The following TTC28 variants were observed in gnomAD, a reference collection of about 807,000 sequenced individuals.
TTC28 encodes tetratricopeptide repeat protein 28.
Under a neutral mutation model 198.0 loss-of-function variants are expected in TTC28, and 61 were observed. The observed-to-expected ratio is 0.31, with a 90% CI of 0.25 to 0.38. The LOEUF (loss-of-function observed/expected upper bound fraction) is 0.38. Ranked by LOEUF, TTC28 falls within the 10% of genes least tolerant of loss-of-function variation. TTC28 has a pLI of 1.00. For synonymous variants in TTC28, 1,171 were observed against 1,297.8 expected (o/e 0.90, Z 2.10); for missense variants, 2,678 against 3,164.0 (o/e 0.85, Z 3.69).
chr22:28,613,364 A>T (rs1026305137), intron 2 of TTC28, among the ~76,000 whole-genome samples: 5 of 152,216 alleles, frequency 3.3e-5, no homozygotes, highest in Non-Finnish European at 5.9e-5. Flanking sequence ...AAATTCTACT[A>T]CAGTTACAAA....
chr22:28,505,557 C>T (rs1048023046), intron 2 of TTC28, among the ~76,000 whole-genome samples: 1 of 152,172 alleles, frequency 6.6e-6, no homozygotes, highest in Non-Finnish European at 1.5e-5. Context: ...TCCCATGAAT[C>T]TTTGCAACCC....
rs747204992 is a variant in TTC28 at position 28,001,363 on chromosome 22, G to A, written c.4398+11C>T. 2.7e-5 allele frequency: 42 copies of A among 1,539,514 alleles called. No individual in the cohort carries two copies. The highest frequency in any genetic ancestry group is 1.8e-4 in the Middle Eastern group (1 of 5,652). ...AAGCCCCCGGCCCCCCACCATGTGT[G>A]TGAGCCTTACCTTGGACTGCACGCT... On this transcript the variant is annotated intron_variant, in intron 15 of 22. Coordinates refer to ENST00000397906, the MANE Select transcript of TTC28 (RefSeq NM_001145418.2).
chr22:28,157,741 A>G (rs533585001), intron 6 of TTC28, among the ~76,000 whole-genome samples: 2 of 152,304 alleles, frequency 1.3e-5, no homozygotes, highest in East Asian at 3.9e-4. Flanking sequence ...GCTCAAAAAA[A>G]CGGGATATAG....
chr22:28,318,449 A>C (rs1231196034), intron 2 of TTC28, among the ~76,000 whole-genome samples: 1 of 152,190 alleles, frequency 6.6e-6, no homozygotes, highest in Non-Finnish European at 1.5e-5. Context: ...AGAAAAACCA[A>C]AACAAATCAG....
At chr22:28,003,786 A>T (rs777278652) in intron 14 of TTC28, among the ~76,000 whole-genome samples, 2 of 152,170 alleles carry the variant, frequency 1.3e-5, no homozygotes, top group Non-Finnish European at 2.9e-5. Flanking sequence ...AAGCCTAATG[A>T]TCAGAGAATG....
intron 5 of TTC28, among the ~76,000 whole-genome samples, chr22:28,250,358 AT>A (rs1268152881): frequency 6.6e-6 from 1 of 152,192 alleles, no homozygotes; most frequent in Non-Finnish European, 1.5e-5. Flanking sequence ...CTCTCATAAG[AT>A]TTTTAGCCTT....
chr22:27,985,288 T>C lies in TTC28; in HGVS notation c.5776A>G (p.Thr1926Ala). ...AGGGACTGGAGCGCGAAGTGCACAG[T>C]CCGTCGATTAGCTTGCTTCCCGGTT... is the stretch of plus-strand genomic sequence containing the variant. ...LKTGKQANRR[T>A]VHFALQSLLS... is the part of the protein sequence containing the mutation. Residue 1926 changes from threonine to alanine, a missense_variant, in exon 22 of 23, where the codon ACT becomes GCT. Physicochemically the swap from Thr to Ala is moderately conservative, Grantham distance 58. Around this residue, in one of 8 missense-constraint regions of TTC28, gnomAD observed 314 missense variants for 442.7 expected, o/e 0.71. Coordinates refer to ENST00000397906, the MANE Select transcript of TTC28 (RefSeq NM_001145418.2). 6.4e-7 allele frequency: 1 copy of C among 1,551,582 alleles called. No individual in the cohort carries two copies. Among genetic ancestry groups the C allele is most frequent in the Non-Finnish European group, 8.7e-7 (1 of 1,146,916 alleles).
intron 2 of TTC28, among the ~76,000 whole-genome samples, chr22:28,601,159 T>C (rs1338334057): frequency 1.3e-5 from 2 of 152,180 alleles, no homozygotes; most frequent in South Asian, 2.1e-4. Flanking sequence ...AATAAACTTG[T>C]AGGAAATAGA....
chr22:28,222,727 A>G (rs1200670731), intron 5 of TTC28, among the ~76,000 whole-genome samples: 1 of 152,198 alleles, frequency 6.6e-6, no homozygotes, highest in African/African-American at 2.4e-5. Context: ...TTCTATGGTG[A>G]AAGATTTTAA....
chr22:28,068,657 A>G (rs982854768), intron 12 of TTC28, among the ~76,000 whole-genome samples: 10 of 152,200 alleles, frequency 6.6e-5, no homozygotes, highest in African/African-American at 1.7e-4. Context: ...GCAATTACTT[A>G]GGGGGAGTTC....
At chr22:28,004,444 G>C (rs1476159389) in intron 14 of TTC28, among the ~76,000 whole-genome samples, 1 of 152,186 alleles carries the variant, frequency 6.6e-6, no homozygotes, top group Non-Finnish European at 1.5e-5. Flanking sequence ...AGCAGGTGAG[G>C]AGAAGTCTGA....
At chr22:28,314,081 G>C (rs10247292) in intron 2 of TTC28, among the ~76,000 whole-genome samples, 1 of 152,102 alleles carries the variant, frequency 6.6e-6, no homozygotes, top group African/African-American at 2.4e-5. Flanking sequence ...GACAAACAGA[G>C]AGCCAAATCA....
chr22:28,204,602 A>G (rs963078181), intron 5 of TTC28, among the ~76,000 whole-genome samples: 1 of 152,136 alleles, frequency 6.6e-6, no homozygotes, highest in East Asian at 1.9e-4. Context: ...ACTCCGTGAA[A>G]GACTACCCTG....
chr22:28,210,801 C>T (rs144542034), intron 5 of TTC28, among the ~76,000 whole-genome samples: 39 of 152,184 alleles, frequency 2.6e-4, no homozygotes, highest in Non-Finnish European at 4.0e-4. Flanking sequence ...CACAAAGATA[C>T]GCCTTGACAA....
At position 28,629,642 on chromosome 22, in the gene TTC28, A is replaced by G. The variant is rs1185801531; in HGVS notation, c.291T>C (p.Asn97=). ...GGATTTTCATGTAGGCTGCAGATCT[A>G]TTGCTGTATAAGATGCAGTTCTGAG... ...VDPQNCILYS[N]RSAAYMKIQQ... is the part of the protein sequence containing the mutation. Residue 97 remains asparagine, a synonymous_variant, in exon 2 of 23, where the codon AAT becomes AAC. Transcript: ENST00000397906. The G allele has an allele frequency of 1.3e-6, 2 of 1,551,670 alleles. No individual in the cohort carries two copies. The highest frequency in any genetic ancestry group is 2.0e-5 in the Admixed American group (1 of 50,994).
intron 2 of TTC28, among the ~76,000 whole-genome samples, chr22:28,466,201 C>T (rs2048017821): frequency 1.3e-5 from 2 of 152,138 alleles, no homozygotes; most frequent in East Asian, 3.9e-4. Context: ...TTACCTCAGG[C>T]AAGTCAATTT....
chr22:28,468,978 A>G (rs2048064286), intron 2 of TTC28, among the ~76,000 whole-genome samples: 1 of 152,148 alleles, frequency 6.6e-6, no homozygotes, highest in Non-Finnish European at 1.5e-5. Flanking sequence ...AATTATTTTC[A>G]AGAACATGCA....
chr22:28,306,368 G>T, intron 3 of TTC28, 128 bp downstream of exon 3: 4 of 1,124,532 alleles, frequency 3.6e-6, no homozygotes, highest in Non-Finnish European at 5.0e-6. Context: ...ATCTTCCTTG[G>T]TCTAAAATAT....
Position 27,981,820 on chromosome 22 carries a change from G to A in TTC28, c.*401C>T. On this transcript the variant is annotated 3_prime_UTR_variant, in exon 23 of 23. Transcript: ENST00000397906. ...GAAAAAGCTCTATTTGTATTTCTGT[G>A]TATAAAAGGTACTGCATATATACCT... 6.0e-6 allele frequency: 1 copy of A among 167,324 alleles called. No homozygotes were observed. 10.4% of individuals were successfully genotyped at this position (167,324 alleles called of 1,614,324 possible).
Sources: gnomAD v4.1 joint callset for allele counts (sites outside exome capture counted in the v4.1 genomes callset) on GRCh38, gnomAD v4.1.1 for gene constraint, gnomAD v4.1.1 regional missense constraint, MANE v1.5 for transcripts, NCBI Gene and HGNC (gene_info 2026-07-23, HGNC 2026-07-21) for gene names.